The following MATCAP2 variants were observed in gnomAD, a reference collection of about 807,000 sequenced individuals.
The protein encoded by MATCAP2 is microtubule associated tyrosine carboxypeptidase 2, also known as putative tyrosine carboxypeptidase MATCAP2.
chr7:36,336,414 T>C, the MATCAP2 span: 22,777 of 867,336 alleles, frequency 0.026, 388 homozygotes, highest in Middle Eastern at 0.05. Context: ...CAAATTAAAC[T>C]GCAACTGAAG....
At chr7:36,328,260 T>G in the MATCAP2 span, among the ~76,000 whole-genome samples, 3 of 139,836 alleles carry the variant, frequency 2.1e-5, no homozygotes, top group African/African-American at 2.6e-5. Flanking sequence ...GGTCTTGCTA[T>G]GTTGCCCAGG....
At chr7:36,390,202 G>C in the MATCAP2 span, 2 of 1,231,124 alleles carry the variant, frequency 1.6e-6, no homozygotes, top group South Asian at 2.7e-5. Flanking sequence ...GCTGCGGCCT[G>C]CTGTGGTTGG....
the MATCAP2 span, among the ~76,000 whole-genome samples, chr7:36,365,625 G>T: frequency 6.6e-6 from 1 of 152,274 alleles, no homozygotes; most frequent in South Asian, 2.1e-4. Context: ...CTTGAACCTG[G>T]GAGGTGGAGA....
the MATCAP2 span, among the ~76,000 whole-genome samples, chr7:36,368,568 T>C: frequency 6.6e-6 from 1 of 152,232 alleles, no homozygotes; most frequent in East Asian, 1.9e-4. Flanking sequence ...GGCAGTCTTC[T>C]AGACAGTCTC....
chr7:36,352,396 TAAAA>T, the MATCAP2 span, among the ~76,000 whole-genome samples: 21 of 106,178 alleles, frequency 2.0e-4, no homozygotes, highest in African/African-American at 4.3e-4. Flanking sequence ...GACTCCATCT[TAAAA>T]AAAAAAAAAA....
the MATCAP2 span, chr7:36,324,452 G>A: frequency 6.6e-6 from 1 of 151,962 alleles, no homozygotes; most frequent in Non-Finnish European, 1.5e-5. Context: ...AAATTATAGT[G>A]GACAAAACTA....
chr7:36,379,083 G>A, the MATCAP2 span, among the ~76,000 whole-genome samples: 22 of 152,336 alleles, frequency 1.4e-4, no homozygotes, highest in South Asian at 4.1e-4. Context: ...GCCCTGCTTC[G>A]GCTTGCCCTC....
At chr7:36,372,781 A>G in the MATCAP2 span, among the ~76,000 whole-genome samples, 1 of 152,218 alleles carries the variant, frequency 6.6e-6, no homozygotes, top group Non-Finnish European at 1.5e-5. Context: ...CCTACCTTCA[A>G]AGAACTTACT....
the MATCAP2 span, chr7:36,367,118 G>A: frequency 1.6e-6 from 2 of 1,231,252 alleles, no homozygotes; most frequent in African/African-American, 1.6e-5. Flanking sequence ...TACCGACACT[G>A]ACTGTGAGCA....
At chr7:36,355,908 T>G in the MATCAP2 span, 1 of 152,258 alleles carries the variant, frequency 6.6e-6, no homozygotes, top group Non-Finnish European at 1.5e-5. Flanking sequence ...AATGAGGTTC[T>G]GAAATGTATT....
the MATCAP2 span, among the ~76,000 whole-genome samples, chr7:36,365,138 G>C: frequency 1.3e-4 from 20 of 152,278 alleles, no homozygotes; most frequent in Admixed American, 5.2e-4. Context: ...ATTGATCATA[G>C]TATCTACTTT....
chr7:36,367,916 T>G, the MATCAP2 span, among the ~76,000 whole-genome samples: 1 of 151,742 alleles, frequency 6.6e-6, no homozygotes, highest in African/African-American at 2.4e-5. Context: ...ACACAAAAAG[T>G]GAACAAATCG....
chr7:36,383,263 TA>T, the MATCAP2 span, among the ~76,000 whole-genome samples: 1 of 152,174 alleles, frequency 6.6e-6, no homozygotes, highest in Admixed American at 6.5e-5. Flanking sequence ...TTCATTATAA[TA>T]AATGTGTAGA....
the MATCAP2 span, among the ~76,000 whole-genome samples, chr7:36,345,864 T>C: frequency 9.9e-5 from 15 of 152,086 alleles, no homozygotes; most frequent in Non-Finnish European, 1.3e-4. Context: ...TTCATCAAAA[T>C]TGTGCTTCTA....
the MATCAP2 span, among the ~76,000 whole-genome samples, chr7:36,387,369 A>G: frequency 1.2e-4 from 18 of 152,298 alleles, no homozygotes; most frequent in Admixed American, 1.0e-3. Flanking sequence ...TGGCTGGTAT[A>G]TGGTTATGTT....
chr7:36,375,379 G>C, the MATCAP2 span, among the ~76,000 whole-genome samples: 1 of 152,226 alleles, frequency 6.6e-6, no homozygotes, highest in Non-Finnish European at 1.5e-5. Flanking sequence ...CTGTTTATGT[G>C]ATGGATTACA....
chr7:36,328,412 T>C, the MATCAP2 span, among the ~76,000 whole-genome samples: 4 of 151,622 alleles, frequency 2.6e-5, no homozygotes, highest in Admixed American at 1.3e-4. Flanking sequence ...TATAGTCTTC[T>C]GATCAATACT....
the MATCAP2 span, among the ~76,000 whole-genome samples, chr7:36,375,126 C>A: frequency 6.6e-6 from 1 of 152,222 alleles, no homozygotes; most frequent in Non-Finnish European, 1.5e-5. Context: ...CTGTCTTCCA[C>A]AATGGTTGAA....
At chr7:36,357,215 A>T in the MATCAP2 span, 1 of 1,614,190 alleles carries the variant, frequency 6.2e-7, no homozygotes, top group Non-Finnish European at 8.5e-7. Flanking sequence ...ATCATGTGTA[A>T]ACTTTACAGG....
Sources: gnomAD v4.1 joint callset for allele counts (sites outside exome capture counted in the v4.1 genomes callset) on GRCh38, gnomAD v4.1.1 for gene constraint, MANE v1.5 for transcripts, NCBI Gene and HGNC (gene_info 2026-07-23, HGNC 2026-07-21) for gene names.